The following GPC6 variants were observed in gnomAD, a reference collection of about 807,000 sequenced individuals.
GPC6 encodes the protein glypican 6, also known as glypican-6.
Under a neutral mutation model 55.2 loss-of-function variants are expected in GPC6, and 14 were observed. The observed-to-expected ratio is 0.25, with a 90% CI of 0.17 to 0.40. GPC6 has a LOEUF of 0.40. GPC6 is among the 10% of genes least tolerant of loss of function. GPC6 has a pLI of 1.00. For missense variants in GPC6, 641 were observed against 708.5 expected, an observed-to-expected ratio of 0.90 and a Z score of 1.08; for synonymous variants, 278 against 259.6, an observed-to-expected ratio of 1.07 and a Z score of -0.68.
At position 94,069,847 on chromosome 13, in the gene GPC6, C is replaced by T. The variant is rs556086348; in HGVS notation, c.877+41953C>T. Among the ~76,000 whole-genome samples, 111 of 152,308 alleles carry T rather than the reference C, an allele frequency of 7.3e-4. No homozygotes were observed. In the Middle Eastern group the frequency reaches 0.01, roughly 14 times the overall value. On this transcript the variant is annotated intron_variant, in intron 4 of 8. Transcript: ENST00000377047. ...TCATTATCAGCATTTTGGTCAAAGA[C>T]GTTCAACAAATCTCTAGGGAGTTCC...
intron 2 of GPC6, among the ~76,000 whole-genome samples, chr13:93,665,360 A>G (rs1046505853): frequency 1.3e-5 from 2 of 152,184 alleles, no homozygotes; most frequent in Admixed American, 6.5e-5. Context: ...GTAAAGTACT[A>G]TCTCATTTGT....
At chr13:94,131,731 G>T (rs1329195849) in intron 4 of GPC6, among the ~76,000 whole-genome samples, 1 of 151,926 alleles carries the variant, frequency 6.6e-6, no homozygotes, top group Non-Finnish European at 1.5e-5. Context: ...TATAACCCTG[G>T]CCAAGTTATG....
intron 2 of GPC6, among the ~76,000 whole-genome samples, chr13:93,822,303 G>T (rs7988628): frequency 0.37 from 55,878 of 151,814 alleles, 10,908 homozygotes; most frequent in African/African-American, 0.48. Flanking sequence ...GATAATCCCA[G>T]GTTCTGTGTT....
At chr13:93,322,805 A>T (rs961857916) in intron 1 of GPC6, among the ~76,000 whole-genome samples, 1 of 151,974 alleles carries the variant, frequency 6.6e-6, no homozygotes, top group East Asian at 1.9e-4. Flanking sequence ...TTTTTTTATT[A>T]TACTTTAAGT....
chr13:93,393,127 T>TATATATAGAGAG (rs1230857277), intron 1 of GPC6, among the ~76,000 whole-genome samples: 5 of 87,618 alleles, frequency 5.7e-5, no homozygotes, highest in African/African-American at 2.0e-4. Context: ...TATATATATA[T>TATATATAGAGAG]AGAGAGAGAG....
At position 93,556,372 on chromosome 13, in the gene GPC6, TAGTGTGTGTG is replaced by T. The variant is rs1267186905; in HGVS notation, c.319+10952_319+10961del. 3.9e-4 allele frequency among the ~76,000 whole-genome samples: 15 copies of T among 38,834 alleles called. 2 individuals carry two copies. Among genetic ancestry groups the T allele is most frequent in the Middle Eastern group, 0.011 (1 of 88 alleles). The allele number at this position is 38,834 out of a possible 152,430, so 25.5% of individuals were successfully genotyped here. A position where few individuals can be genotyped will look rare whatever the true frequency, so the allele number is the denominator to read the frequency against. On this transcript the variant is annotated intron_variant, in intron 2 of 8. Transcript: ENST00000377047. ...TTTATTTTTAATTTTTGTGGGTAAATAGTGTGTGTGTGTGTGTGTGTGTATGTATGTATAT... is the reference window on the plus strand; with the variant it reads ...TTTATTTTTAATTTTTGTGGGTAAATTGTGTGTGTGTGTATGTATGTATAT...
chr13:93,790,097 T>G (rs758807964), intron 2 of GPC6, among the ~76,000 whole-genome samples: 2 of 152,182 alleles, frequency 1.3e-5, no homozygotes, highest in African/African-American at 4.8e-5. Flanking sequence ...TGTCAGTTAA[T>G]GAAGGTGGCG....
At chr13:93,838,047 A>G (rs1197400514) in intron 3 of GPC6, among the ~76,000 whole-genome samples, 2 of 152,208 alleles carry the variant, frequency 1.3e-5, no homozygotes, top group African/African-American at 4.8e-5. Flanking sequence ...TTGTTTGTCT[A>G]TTCTGCCTGC....
At chr13:93,676,126 A>AAAAATATAT (rs1881602576) in intron 2 of GPC6, among the ~76,000 whole-genome samples, 2 of 15,688 alleles carry the variant, frequency 1.3e-4, no homozygotes, top group Admixed American at 2.5e-3. Flanking sequence ...AAAAAAAAAA[A>AAAAATATAT]ATATATATAT....
intron 3 of GPC6, among the ~76,000 whole-genome samples, chr13:93,907,740 C>T (rs528048644): frequency 1.3e-5 from 2 of 152,192 alleles, no homozygotes; most frequent in South Asian, 2.1e-4. Context: ...ACTAATAAAA[C>T]GAGTTAAATT....
chr13:94,032,979 G>A (rs1883197644), intron 4 of GPC6, among the ~76,000 whole-genome samples: 1 of 152,122 alleles, frequency 6.6e-6, no homozygotes, highest in Non-Finnish European at 1.5e-5. Context: ...GCCTACTGTG[G>A]ACTTTGTTTT....
chr13:94,210,631 T>C (rs893710411), intron 4 of GPC6, among the ~76,000 whole-genome samples: 3 of 152,184 alleles, frequency 2.0e-5, no homozygotes, highest in Admixed American at 6.5e-5. Flanking sequence ...AGTTAAACAC[T>C]GTGAGAGCAG....
At chr13:93,826,538 A>C (rs2138974426) in intron 2 of GPC6, among the ~76,000 whole-genome samples, 1 of 152,308 alleles carries the variant, frequency 6.6e-6, no homozygotes, top group South Asian at 2.1e-4. Flanking sequence ...AAATAGGAAA[A>C]GGATGTTATA....
At chr13:93,676,494 G>A (rs1163460770) in intron 2 of GPC6, among the ~76,000 whole-genome samples, 1 of 151,950 alleles carries the variant, frequency 6.6e-6, no homozygotes. Context: ...AAATTCAAAT[G>A]TGTAAGAGAG....
At chr13:94,362,099 C>T (rs1879081073) in intron 6 of GPC6, among the ~76,000 whole-genome samples, 1 of 152,134 alleles carries the variant, frequency 6.6e-6, no homozygotes, top group African/African-American at 2.4e-5. Flanking sequence ...TTTTCTTTGA[C>T]TCATTAAGCT....
At chr13:93,449,229 T>C (rs1813900510) in intron 1 of GPC6, among the ~76,000 whole-genome samples, 1 of 145,030 alleles carries the variant, frequency 6.9e-6, no homozygotes, top group Non-Finnish European at 1.6e-5. Flanking sequence ...AGATGAAGTA[T>C]AAGGAAAGAC....
At chr13:93,893,099 G>A (rs916173349) in intron 3 of GPC6, among the ~76,000 whole-genome samples, 1 of 138,268 alleles carries the variant, frequency 7.2e-6, no homozygotes, top group Non-Finnish European at 1.5e-5. Flanking sequence ...TTCTCTCATC[G>A]CCCAGGCTGG....
chr13:93,702,821 T>C (rs1482764123), intron 2 of GPC6, among the ~76,000 whole-genome samples: 3 of 151,968 alleles, frequency 2.0e-5, no homozygotes, highest in Admixed American at 6.6e-5. Flanking sequence ...TCAGCCTTCA[T>C]AGAATTGAAG....
chr13:93,395,279 T>A, intron 1 of GPC6: 1 of 490,806 alleles, frequency 2.0e-6, no homozygotes, highest in South Asian at 1.9e-5. Flanking sequence ...AGAACCACTT[T>A]GACCTCTTTG....
Sources: gnomAD v4.1 joint callset for allele counts (sites outside exome capture counted in the v4.1 genomes callset) on GRCh38, gnomAD v4.1.1 for gene constraint, MANE v1.5 for transcripts, NCBI Gene and HGNC (gene_info 2026-07-23, HGNC 2026-07-21) for gene names.